DEFA3: variants seen among roughly 807,000 people sequenced by gnomAD.
DEFA3 encodes defensin alpha 3.
For synonymous variants in DEFA3, 3 were observed against 47.2 expected (o/e 0.06, Z 3.84); for missense variants, 8 against 128.1 (o/e 0.06, Z 4.53).
At chr8:7,016,518 T>G (rs559034989) in intron 2 of DEFA3, among the ~76,000 whole-genome samples, 158 bp downstream of exon 2, 1 of 148,774 alleles carries the variant, frequency 6.7e-6, no homozygotes, top group East Asian at 1.9e-4. Flanking sequence ...TTTCTCAGGT[T>G]TATTTGGCTC....
chr8:7,016,398 C>A (rs1415523728), intron 2 of DEFA3, among the ~76,000 whole-genome samples: 1 of 131,060 alleles, frequency 7.6e-6, no homozygotes, highest in African/African-American at 3.4e-5. Flanking sequence ...GTTCTCTTTA[C>A]AACTAAGTCT....
At chr8:7,016,929 TG>T in intron 1 of DEFA3, 67 bp from the exon 2 acceptor site, 1 of 928,926 alleles carries the variant, frequency 1.1e-6, no homozygotes, top group Non-Finnish European at 1.6e-6. Context: ...ATAGCTCTAC[TG>T]GGAGAAGGCT....
chr8:7,018,069 G>A (rs866348237), intron 1 of DEFA3, among the ~76,000 whole-genome samples, 153 bp downstream of exon 1: 55 of 149,982 alleles, frequency 3.7e-4, no homozygotes, highest in East Asian at 8.0e-4. Context: ...GGAAGCCATC[G>A]TCCCCAGCAG....
intron 1 of DEFA3, among the ~76,000 whole-genome samples, chr8:7,017,953 C>A (rs1421581517): frequency 2.0e-5 from 3 of 152,164 alleles, no homozygotes; most frequent in Non-Finnish European, 4.4e-5. Flanking sequence ...AAATAGGTTT[C>A]TCTCAAAAGA....
chr8:7,018,073 C>T (rs1811056272), intron 1 of DEFA3, 149 bp downstream of exon 1: 1 of 149,970 alleles, frequency 6.7e-6, no homozygotes, highest in African/African-American at 2.5e-5. Flanking sequence ...GCCATCGTCC[C>T]CAGCAGTCAC....
chr8:7,016,365 A>G (rs1810970828), intron 2 of DEFA3, among the ~76,000 whole-genome samples: 1 of 115,270 alleles, frequency 8.7e-6, no homozygotes, highest in Non-Finnish European at 1.8e-5. Context: ...GCAGTTTTTA[A>G]AAGCTCTTCT....
intron 2 of DEFA3, among the ~76,000 whole-genome samples, chr8:7,016,411 T>C (rs1810973696): frequency 7.2e-6 from 1 of 139,616 alleles, no homozygotes; most frequent in Non-Finnish European, 1.5e-5. Context: ...CTAAGTCTAC[T>C]TGTTTAGATC....
chr8:7,016,403 A>G (rs550249758), intron 2 of DEFA3, among the ~76,000 whole-genome samples: 24 of 135,414 alleles, frequency 1.8e-4, no homozygotes, highest in Middle Eastern at 3.7e-3. Flanking sequence ...CTTTACAACT[A>G]AGTCTACTTG....
chr8:7,018,191 C>G (rs1811062838), intron 1 of DEFA3, 31 bp downstream of exon 1: 1 of 150,440 alleles, frequency 6.6e-6, no homozygotes, highest in Non-Finnish European at 1.5e-5. Context: ...GATGAAAACT[C>G]AGTGTAAAGT....
chr8:7,017,935 A>G (rs1811046270), intron 1 of DEFA3, among the ~76,000 whole-genome samples: 1 of 152,224 alleles, frequency 6.6e-6, no homozygotes, highest in South Asian at 2.1e-4. Context: ...AAGACAGACC[A>G]AGGACCTAAA....
intron 1 of DEFA3, among the ~76,000 whole-genome samples, chr8:7,017,866 T>C (rs1009210250): frequency 4.6e-5 from 7 of 152,212 alleles, no homozygotes; most frequent in Non-Finnish European, 7.3e-5. Flanking sequence ...AAGGGGCAAA[T>C]ATCTGAATAC....
At chr8:7,016,296 C>G (rs1810966791) in intron 2 of DEFA3, among the ~76,000 whole-genome samples, 197 bp from the exon 3 acceptor site, 1 of 152,140 alleles carries the variant, frequency 6.6e-6, no homozygotes, top group Non-Finnish European at 1.5e-5. Flanking sequence ...CTCCTTTGCT[C>G]TCATTTTTGC....
chr8:7,016,961 C>T (rs1210187475), intron 1 of DEFA3, 99 bp from the exon 2 acceptor site: 2 of 1,242,214 alleles, frequency 1.6e-6, no homozygotes, highest in African/African-American at 3.1e-5. Context: ...AAACCTTCCT[C>T]AATCTCAGTG....
At chr8:7,016,376 G>GA (rs1810971208) in intron 2 of DEFA3, among the ~76,000 whole-genome samples, 2 of 93,316 alleles carry the variant, frequency 2.1e-5, no homozygotes, top group African/African-American at 6.2e-5. Flanking sequence ...AAGCTCTTCT[G>GA]TAGAGTAAAA....
At chr8:7,017,056 A>G (rs1811006886) in intron 1 of DEFA3, among the ~76,000 whole-genome samples, 194 bp from the exon 2 acceptor site, 2 of 133,232 alleles carry the variant, frequency 1.5e-5, no homozygotes, top group South Asian at 4.9e-4. Flanking sequence ...ATGCTAGTAT[A>G]CATCTGTACC....
At chr8:7,017,762 A>G (rs1336820167) in intron 1 of DEFA3, among the ~76,000 whole-genome samples, 1 of 151,622 alleles carries the variant, frequency 6.6e-6, no homozygotes, top group Non-Finnish European at 1.5e-5. Flanking sequence ...GCTTCATTTA[A>G]CGCTAAAGCA....
chr8:7,017,852 G>C (rs1379664198), intron 1 of DEFA3, among the ~76,000 whole-genome samples: 3 of 152,184 alleles, frequency 2.0e-5, no homozygotes, highest in African/African-American at 7.2e-5. Context: ...AACCTACATG[G>C]CAGAAGGGGC....
chr8:7,017,926 A>G (rs1263751929), intron 1 of DEFA3, among the ~76,000 whole-genome samples: 1 of 152,266 alleles, frequency 6.6e-6, no homozygotes, highest in Non-Finnish European at 1.5e-5. Flanking sequence ...CCTGATTGAA[A>G]GACAGACCAA....
At chr8:7,016,437 T>C (rs553172206) in intron 2 of DEFA3, among the ~76,000 whole-genome samples, 94 of 145,440 alleles carry the variant, frequency 6.5e-4, no homozygotes, top group African/African-American at 2.4e-3. Context: ...ATAACTAGTC[T>C]GTCTCTTCAT....
Sources: gnomAD v4.1 joint callset for allele counts (sites outside exome capture counted in the v4.1 genomes callset) on GRCh38, gnomAD v4.1.1 for gene constraint, MANE v1.5 for transcripts, NCBI Gene and HGNC (gene_info 2026-07-23, HGNC 2026-07-21) for gene names.